Variants in NAALADL2 observed in about 807,000 individuals in gnomAD.
The protein encoded by NAALADL2 is N-acetylated alpha-linked acidic dipeptidase like 2, also known as inactive N-acetylated-alpha-linked acidic dipeptidase-like protein 2.
NAALADL2 carries 76 observed loss-of-function variants against 87.2 expected under a neutral mutation model. The observed-to-expected ratio is 0.87, with a 90% CI of 0.72 to 1.05. The LOEUF (loss-of-function observed/expected upper bound fraction) is 1.05. NAALADL2 is among the 50% of genes least tolerant of loss of function. The pLI is 0.00. For missense variants in NAALADL2, 1,089 were observed against 945.8 expected (o/e 1.15, Z -1.99); for synonymous variants, 354 against 331.0 (o/e 1.07, Z -0.75).
At chr3:175,438,511 T>C (rs1365261868) in intron 5 of NAALADL2, among the ~76,000 whole-genome samples, 1 of 152,150 alleles carries the variant, frequency 6.6e-6, no homozygotes, top group Non-Finnish European at 1.5e-5. Flanking sequence ...ATCAGTTTGT[T>C]CAATTGATGT....
intron 9 of NAALADL2, among the ~76,000 whole-genome samples, chr3:175,509,128 AG>A (rs1730777409): frequency 6.6e-6 from 1 of 151,122 alleles, no homozygotes; most frequent in Admixed American, 6.9e-5. Context: ...AAAAAAAAAA[AG>A]AAAAAAAAAG....
At chr3:175,180,825 A>G (rs1736359365) in intron 2 of NAALADL2, among the ~76,000 whole-genome samples, 1 of 151,934 alleles carries the variant, frequency 6.6e-6, no homozygotes, top group South Asian at 2.1e-4. Context: ...CTTACAATGG[A>G]TCTATCAGAA....
At chr3:175,294,729 C>A (rs1167047805) in intron 4 of NAALADL2, among the ~76,000 whole-genome samples, 1 of 152,272 alleles carries the variant, frequency 6.6e-6, no homozygotes, top group East Asian at 1.9e-4. Context: ...TATAGACAAC[C>A]TTCTAATGGC....
intron 2 of NAALADL2, among the ~76,000 whole-genome samples, chr3:174,714,282 G>A (rs924114349): frequency 5.9e-5 from 9 of 152,212 alleles, no homozygotes; most frequent in African/African-American, 2.2e-4. Flanking sequence ...TTGGCAATGT[G>A]GGCTCTTTTT....
rs79873711 is a variant in NAALADL2 at position 174,962,696 on chromosome 3, C to T, written c.43+103246C>T. 7.5e-3 allele frequency among the ~76,000 whole-genome samples: 1,136 copies of T among 151,848 alleles called. 12 individuals are homozygous for T. Among genetic ancestry groups the T allele is most frequent in the African/African-American group, 0.026 (1,089 of 41,400 alleles). ...AACTGGGAGCTGAAACTTGTTATCT[C>T]GATTATGAGGGACTTGATGCTCAAT... On this transcript the variant is annotated intron_variant, in intron 1 of 13. Coordinates refer to ENST00000454872, the MANE Select transcript of NAALADL2 (RefSeq NM_207015.3).
At chr3:175,011,320 G>GAT (rs1491557704) in intron 1 of NAALADL2, among the ~76,000 whole-genome samples, 17 of 141,728 alleles carry the variant, frequency 1.2e-4, no homozygotes, top group African/African-American at 4.1e-4. Flanking sequence ...GAGAGAGAGA[G>GAT]ACTAATTCTG....
In NAALADL2 at chr3:174,550,980, C is replaced by CATTTTATTTT. The variant is rs200129922; in HGVS notation, c.-115+357_-115+366dup. ...AGTAAAGGATTCCATAGTGTATGTG[C>CATTTTATTTT]ATTTTATTTTATTTTATTTTATTAT... On this transcript the variant is annotated intron_variant, in intron 2 of 3. Coordinates refer to the NAALADL2 transcript ENST00000434257. 2.0e-5 allele frequency: 3 copies of CATTTTATTTT among 151,780 alleles called. No individual in the cohort carries two copies. In the South Asian group the frequency reaches 6.2e-4, roughly 32 times the overall value. The allele number at this position is 151,780 out of a possible 1,614,324, so 9.4% of individuals were successfully genotyped here.
chr3:174,899,846 A>G (rs1732093884), intron 1 of NAALADL2, among the ~76,000 whole-genome samples: 1 of 152,010 alleles, frequency 6.6e-6, no homozygotes, highest in Non-Finnish European at 1.5e-5. Flanking sequence ...CAAAATTTAC[A>G]ACCATTTCTA....
intron 1 of NAALADL2, among the ~76,000 whole-genome samples, chr3:174,532,757 T>C (rs1186237630): frequency 6.6e-6 from 1 of 152,148 alleles, no homozygotes; most frequent in Non-Finnish European, 1.5e-5. Flanking sequence ...TCAGCCTTTC[T>C]ACTCACTTCT....
intron 9 of NAALADL2, among the ~76,000 whole-genome samples, chr3:175,544,741 C>G (rs1320062385): frequency 6.6e-6 from 1 of 152,090 alleles, no homozygotes; most frequent in Non-Finnish European, 1.5e-5. Flanking sequence ...TTTATACCGT[C>G]TAAGCCCTTT....
At chr3:174,449,394 T>C (rs1398596018) in intron 1 of NAALADL2, among the ~76,000 whole-genome samples, 1 of 152,220 alleles carries the variant, frequency 6.6e-6, no homozygotes, top group Non-Finnish European at 1.5e-5. Context: ...AATGATATTG[T>C]GCCACATTTA....
chr3:175,598,030 C>T (rs531267449), intron 10 of NAALADL2, among the ~76,000 whole-genome samples: 11 of 151,822 alleles, frequency 7.2e-5, no homozygotes, highest in South Asian at 2.1e-4. Flanking sequence ...TGTATGTATA[C>T]GTTGTATTAT....
chr3:175,503,975 G>A (rs531221935), intron 9 of NAALADL2, among the ~76,000 whole-genome samples: 2 of 152,120 alleles, frequency 1.3e-5, no homozygotes, highest in South Asian at 2.1e-4. Context: ...TCCAATTGCT[G>A]TTGGTGTCTT....
At chr3:175,275,472 G>A (rs1753456004) in intron 4 of NAALADL2, among the ~76,000 whole-genome samples, 1 of 51,948 alleles carries the variant, frequency 1.9e-5, no homozygotes, top group Admixed American at 1.5e-4. Flanking sequence ...TATGTAGTTG[G>A]GCGGGCCATG....
chr3:174,842,667 T>C (rs1724155675), intron 3 of NAALADL2, among the ~76,000 whole-genome samples: 1 of 152,194 alleles, frequency 6.6e-6, no homozygotes, highest in Admixed American at 6.5e-5. Flanking sequence ...CAATGCTTTG[T>C]AGTTTCACTA....
chr3:174,798,746 C>G (rs891906998), intron 3 of NAALADL2, among the ~76,000 whole-genome samples: 1 of 151,862 alleles, frequency 6.6e-6, no homozygotes, highest in Non-Finnish European at 1.5e-5. Context: ...GAAATATAAT[C>G]AATTTTTTAT....
At chr3:175,018,129 T>C (rs1164956621) in intron 1 of NAALADL2, among the ~76,000 whole-genome samples, 2 of 152,098 alleles carry the variant, frequency 1.3e-5, no homozygotes, top group Non-Finnish European at 2.9e-5. Flanking sequence ...GCTTGTCTTT[T>C]AGTAGCAATA....
intron 7 of NAALADL2, among the ~76,000 whole-genome samples, chr3:175,465,651 T>G (rs1370134708): frequency 6.6e-6 from 1 of 152,008 alleles, no homozygotes; most frequent in Non-Finnish European, 1.5e-5. Context: ...TTTTGTATTT[T>G]TAGTAGAGAC....
rs146669190 is a variant in NAALADL2, at chr3:175,726,170, G to A, written c.1897-11136G>A. ...GCCAAAAAGCTAATTTATTATTTCC[G>A]AATTAATCTGTAAATATATTTTCTC... On this transcript the variant is annotated intron_variant, in intron 11 of 13. Transcript: ENST00000454872. Among the ~76,000 whole-genome samples, 197 of 148,558 alleles carry A rather than the reference G, an allele frequency of 1.3e-3. 2 individuals are homozygous for A. The highest frequency in any genetic ancestry group is 7.2e-3 in the South Asian group (34 of 4,722).
Sources: gnomAD v4.1 joint callset for allele counts (sites outside exome capture counted in the v4.1 genomes callset) on GRCh38, gnomAD v4.1.1 for gene constraint, MANE v1.5 for transcripts, NCBI Gene and HGNC (gene_info 2026-07-23, HGNC 2026-07-21) for gene names.